The following SEC22C variants were observed in gnomAD, a reference collection of about 807,000 sequenced individuals.
The protein encoded by SEC22C is vesicle-trafficking protein SEC22c.
Under a neutral mutation model 34.7 loss-of-function variants are expected in SEC22C, and 29 were observed. The ratio of observed to expected loss-of-function variants is 0.84; its 90% CI spans 0.62 to 1.14. The LOEUF is 1.14. Ranked by LOEUF, SEC22C falls within the 50% of genes most tolerant of loss-of-function variation. The probability of loss-of-function intolerance (pLI) is 0.00; values close to 1 mark genes in which losing one functional copy is unlikely to be tolerated. For missense variants in SEC22C, 337 were observed against 369.0 expected (o/e 0.91, Z 0.71); for synonymous variants, 117 against 132.8 (o/e 0.88, Z 0.82).
intron 6 of SEC22C, 47 bp downstream of exon 6, chr3:42,555,883 G>A: frequency 2.1e-6 from 3 of 1,429,136 alleles, no homozygotes; most frequent in East Asian, 2.3e-5. Context: ...GAAGAACAAA[G>A]TAAGGTCATG....
chr3:42,557,532 A>T, intron 5 of SEC22C, 46 bp downstream of exon 5: 101 of 734,944 alleles, frequency 1.4e-4, no homozygotes, highest in Non-Finnish European at 2.2e-4. Flanking sequence ...TTCTTCTATC[A>T]TATGTCCTTC....
intron 1 of SEC22C, chr3:42,594,395 G>A (rs1384410625): frequency 6.3e-7 from 1 of 1,588,530 alleles, no homozygotes; most frequent in Admixed American, 1.7e-5. Flanking sequence ...ACAAGCCTCT[G>A]ATTTTTGCCT....
chr3:42,574,116 A>G (rs1230316324), intron 1 of SEC22C, among the ~76,000 whole-genome samples: 2 of 152,212 alleles, frequency 1.3e-5, no homozygotes, highest in African/African-American at 4.8e-5. Flanking sequence ...GAGAAAAATA[A>G]TAACCTTACC....
intron 2 of SEC22C, among the ~76,000 whole-genome samples, chr3:42,566,423 T>TC (rs1703244689): frequency 6.6e-6 from 1 of 152,134 alleles, no homozygotes; most frequent in South Asian, 2.1e-4. Flanking sequence ...ACGCCTGTAA[T>TC]CCCAGCACTT....
At chr3:42,576,503 T>C (rs1703972960) in intron 1 of SEC22C, among the ~76,000 whole-genome samples, 1 of 152,098 alleles carries the variant, frequency 6.6e-6, no homozygotes, top group Non-Finnish European at 1.5e-5. Flanking sequence ...ATACCATTTA[T>C]AATCACTCTA....
At chr3:42,570,449 A>C (rs756169337) in intron 1 of SEC22C, among the ~76,000 whole-genome samples, 2 of 152,236 alleles carry the variant, frequency 1.3e-5, no homozygotes, top group Non-Finnish European at 2.9e-5. Flanking sequence ...GAATGAATGA[A>C]TAATTATTAC....
chr3:42,575,134 C>T (rs1703883386), intron 1 of SEC22C, among the ~76,000 whole-genome samples: 1 of 152,182 alleles, frequency 6.6e-6, no homozygotes. Context: ...AGGCATGAGC[C>T]ACTAGGCCTG....
chr3:42,600,801 T>TGC lies in SEC22C; in HGVS notation c.-28+157_-28+158dup, dbSNP rs58727907. 156 of 391,974 alleles carry TGC rather than the reference T, an allele frequency of 4.0e-4. 1 individual carries two copies. Among genetic ancestry groups the TGC allele is most frequent in the African/African-American group, 3.2e-3 (151 of 47,702 alleles). 24.3% of individuals were successfully genotyped at this position (391,974 alleles called of 1,614,324 possible). A position where few individuals can be genotyped will look rare whatever the true frequency, so the allele number is the denominator to read the frequency against. The stretch of plus-strand genomic sequence containing the variant: ...CAGGTGAAGAGCTCGCCCGCATGCG[T>TGC]GCGCGCTGCGTGGGAGCCGCGAGGC... On this transcript the variant is annotated intron_variant, in intron 1 of 6. Transcript: ENST00000417572.
In SEC22C at chr3:42,549,596, G is replaced by A. The variant is rs1404510130; in HGVS notation, c.*3652C>T. On this transcript the variant is annotated 3_prime_UTR_variant, in exon 7 of 7. Coordinates refer to ENST00000264454, the MANE Select transcript of SEC22C (RefSeq NM_032970.4). ...TCTCCAAGACTTGACTCCCAGGCAT[G>A]GGTGGGAGAGTTGAACCTCAATGCA... is the stretch of plus-strand genomic sequence containing the variant. 1 of 985,132 alleles carries A rather than the reference G, an allele frequency of 1.0e-6. No homozygotes were observed. The highest frequency in any genetic ancestry group is 1.2e-6 in the Non-Finnish European group (1 of 829,954). The allele number at this position is 985,132 out of a possible 1,614,324, so 61.0% of individuals were successfully genotyped here. A position where few individuals can be genotyped will look rare whatever the true frequency, so the allele number is the denominator to read the frequency against.
At chr3:42,560,455 C>G (rs1702831465) in intron 4 of SEC22C, among the ~76,000 whole-genome samples, 1 of 150,656 alleles carries the variant, frequency 6.6e-6, no homozygotes. Flanking sequence ...AGGATGATGG[C>G]TTGAGCCCAG....
chr3:42,561,615 C>T (rs549080038), intron 3 of SEC22C, among the ~76,000 whole-genome samples: 3 of 152,202 alleles, frequency 2.0e-5, no homozygotes, highest in African/African-American at 4.8e-5. Flanking sequence ...TCTCAAACTC[C>T]TGAGCTCAAG....
In SEC22C at chr3:42,551,532, C is replaced by A; in HGVS notation, c.*1716G>T. Reference sequence around the variant, plus strand: ...AATTTTTTTTTTTGTAGAGATGAATCTTACTATGTTGTCCAGGCTGGTCTC... The same window carrying A: ...AATTTTTTTTTTTGTAGAGATGAATATTACTATGTTGTCCAGGCTGGTCTC... On this transcript the variant is annotated 3_prime_UTR_variant, in exon 7 of 7. Coordinates refer to ENST00000264454, the MANE Select transcript of SEC22C (RefSeq NM_032970.4). The A allele has an allele frequency of 2.3e-6, 1 of 444,116 alleles. No homozygotes were observed. The highest frequency in any genetic ancestry group is 3.0e-6 in the Non-Finnish European group (1 of 335,984). The allele number at this position is 444,116 out of a possible 1,614,324, so 27.5% of individuals were successfully genotyped here.
chr3:42,567,775 A>G (rs930092819), intron 2 of SEC22C, among the ~76,000 whole-genome samples: 3 of 152,200 alleles, frequency 2.0e-5, no homozygotes, highest in African/African-American at 7.2e-5. Flanking sequence ...GTCACATAAT[A>G]AAAATTTAAA....
chr3:42,555,905 C>T, intron 6 of SEC22C, 25 bp downstream of exon 6: 1 of 1,578,384 alleles, frequency 6.3e-7, no homozygotes, highest in Non-Finnish European at 8.7e-7. Context: ...ATTTAATCCA[C>T]TGACCAAAAT....
chr3:42,591,292 G>A, intron 1 of SEC22C: 1 of 580,194 alleles, frequency 1.7e-6, no homozygotes, highest in Non-Finnish European at 3.1e-6. Context: ...ACCGCTTCCT[G>A]GCTTCAAGCG....
At chr3:42,570,944 A>G (rs1703587637) in intron 1 of SEC22C, among the ~76,000 whole-genome samples, 1 of 152,218 alleles carries the variant, frequency 6.6e-6, no homozygotes, top group African/African-American at 2.4e-5. Flanking sequence ...GAGGCCAAAA[A>G]GAGACAGTCA....
At position 42,553,123 on chromosome 3, in the gene SEC22C, C is replaced by T. The variant is rs548607031; in HGVS notation, c.*125G>A. The T allele has an allele frequency of 6.8e-7, 1 of 1,466,604 alleles. No individual in the cohort carries two copies. The highest frequency in any genetic ancestry group is 9.0e-7 in the Non-Finnish European group (1 of 1,116,670). 90.8% of individuals were successfully genotyped at this position (1,466,604 alleles called of 1,614,324 possible). A position where few individuals can be genotyped will look rare whatever the true frequency, so the allele number is the denominator to read the frequency against. The stretch of plus-strand genomic sequence containing the variant: ...CTGCAACTGTTTAACATCCCCAATT[C>T]CTGGTTTTTCAGTCCAGTTGGCTGA... On this transcript the variant is annotated 3_prime_UTR_variant, in exon 7 of 7. Transcript: ENST00000264454.
Position 42,549,948 on chromosome 3 carries a change from G to A in SEC22C, c.*3300C>T, listed in dbSNP as rs531155920. ...CAGGCAGTGGGGCCTCTGGTACTGA[G>A]AGGGAATGCCACCCGAATATGCCCC... is the stretch of plus-strand genomic sequence containing the variant. On this transcript the variant is annotated 3_prime_UTR_variant, in exon 7 of 7. Transcript: ENST00000264454. 100 of 985,502 alleles carry A rather than the reference G, an allele frequency of 1.0e-4. No individual in the cohort carries two copies. The African/African-American group carries it at 1.6e-3, about 16-fold the overall frequency. 61.0% of individuals were successfully genotyped at this position (985,502 alleles called of 1,614,324 possible). A position where few individuals can be genotyped will look rare whatever the true frequency, so the allele number is the denominator to read the frequency against.
chr3:42,570,327 TC>T (rs1703540759), intron 1 of SEC22C, among the ~76,000 whole-genome samples: 1 of 152,196 alleles, frequency 6.6e-6, no homozygotes, highest in African/African-American at 2.4e-5. Flanking sequence ...AAGTACTTTC[TC>T]CCTCTTTTAA....
Sources: gnomAD v4.1 joint callset for allele counts (sites outside exome capture counted in the v4.1 genomes callset) on GRCh38, gnomAD v4.1.1 for gene constraint, MANE v1.5 for transcripts, NCBI Gene and HGNC (gene_info 2026-07-23, HGNC 2026-07-21) for gene names.